The following PPARGC1A variants were observed in gnomAD, a reference collection of about 807,000 sequenced individuals.
PPARGC1A encodes the protein PPARG coactivator 1 alpha, also known as peroxisome proliferator-activated receptor gamma coactivator 1-alpha.
Under a neutral mutation model 88.7 loss-of-function variants are expected in PPARGC1A, and 25 were observed. That is an observed-to-expected ratio of 0.28 (90% CI 0.21 to 0.39). The LOEUF (loss-of-function observed/expected upper bound fraction) is 0.39. Ranked by LOEUF, PPARGC1A falls within the 10% of genes least tolerant of loss-of-function variation. The pLI, the probability that PPARGC1A is intolerant of heterozygous loss-of-function variation, is 1.00. For synonymous variants in PPARGC1A, 363 were observed against 355.6 expected (o/e 1.02, Z -0.24); for missense variants, 880 against 968.7 (o/e 0.91, Z 1.22).
At chr4:23,893,209 A>G (rs1244660078), upstream of PPARGC1A, among the ~76,000 whole-genome samples, 2 of 151,968 alleles carry the variant, frequency 1.3e-5, no homozygotes, top group African/African-American at 4.8e-5. Flanking sequence ...GAATAATTCA[A>G]TTCTCTAACA....
intron 7 of PPARGC1A, among the ~76,000 whole-genome samples, chr4:23,822,115 A>C (rs1320820506): frequency 6.6e-6 from 1 of 152,144 alleles, no homozygotes; most frequent in Non-Finnish European, 1.5e-5. Flanking sequence ...TGAGGTGTAC[A>C]AGAGATCAAG....
chr4:23,904,101 C>T (rs570742057), upstream of PPARGC1A: 10 of 944,418 alleles, frequency 1.1e-5, no homozygotes, highest in East Asian at 2.3e-4. Context: ...ACAAGGGCTT[C>T]GGCAGGCCAC....
At chr4:24,465,840 C>T in the PPARGC1A span, among the ~76,000 whole-genome samples, 2 of 151,996 alleles carry the variant, frequency 1.3e-5, no homozygotes, top group Non-Finnish European at 2.9e-5. Flanking sequence ...ATAACATGGC[C>T]GGGATGAGAA....
the PPARGC1A span, among the ~76,000 whole-genome samples, chr4:24,157,323 G>A: frequency 1.8e-4 from 27 of 152,132 alleles, no homozygotes; most frequent in East Asian, 3.5e-3. Flanking sequence ...TCTCTGAATC[G>A]ATCTGCAAAG....
At chr4:24,387,369 C>T in the PPARGC1A span, among the ~76,000 whole-genome samples, 1 of 152,106 alleles carries the variant, frequency 6.6e-6, no homozygotes, top group African/African-American at 2.4e-5. Context: ...AAAGCAATGG[C>T]AACAAAAGCC....
the PPARGC1A span, among the ~76,000 whole-genome samples, chr4:24,216,196 G>A: frequency 9.7e-5 from 14 of 144,804 alleles, no homozygotes; most frequent in African/African-American, 1.5e-4. Flanking sequence ...CGCCCAGACC[G>A]GAGTGCAATA....
chr4:24,387,833 AG>A, the PPARGC1A span, among the ~76,000 whole-genome samples: 24 of 103,336 alleles, frequency 2.3e-4, no homozygotes, highest in Admixed American at 2.0e-3. Flanking sequence ...AGAGAGAAAG[AG>A]AGAAAGAGAG....
chr4:24,352,534 C>T, the PPARGC1A span, among the ~76,000 whole-genome samples: 5 of 152,220 alleles, frequency 3.3e-5, no homozygotes, highest in Non-Finnish European at 7.3e-5. Flanking sequence ...TGGGGTCCAA[C>T]TGGCCACGGG....
chr4:23,849,916 G>C (rs546003811), intron 2 of PPARGC1A, among the ~76,000 whole-genome samples: 105 of 151,070 alleles, frequency 7.0e-4, no homozygotes, highest in Non-Finnish European at 1.3e-3. Flanking sequence ...CTCGCTGCAC[G>C]GTACAGTCAT....
intron 10 of PPARGC1A, among the ~76,000 whole-genome samples, chr4:23,808,250 CAA>C (rs527466137): frequency 1.2e-4 from 11 of 93,804 alleles, no homozygotes; most frequent in African/African-American, 2.0e-4. Context: ...GACTCCATCT[CAA>C]AAAAAAAAAA....
At chr4:23,903,422 C>A (rs1457826449), upstream of PPARGC1A, among the ~76,000 whole-genome samples, 1 of 152,106 alleles carries the variant, frequency 6.6e-6, no homozygotes, top group Non-Finnish European at 1.5e-5. Context: ...AAATAATGAA[C>A]AACTTCACTA....
At chr4:24,294,031 T>A in the PPARGC1A span, among the ~76,000 whole-genome samples, 1 of 152,170 alleles carries the variant, frequency 6.6e-6, no homozygotes, top group Non-Finnish European at 1.5e-5. Flanking sequence ...GCCCTTATTA[T>A]TTATCTGAGG....
chr4:23,834,145 A>G (rs1417712533), intron 2 of PPARGC1A, among the ~76,000 whole-genome samples: 3 of 152,062 alleles, frequency 2.0e-5, no homozygotes, highest in Non-Finnish European at 2.9e-5. Flanking sequence ...TAAAAATACA[A>G]AAAAATTAGC....
the PPARGC1A span, among the ~76,000 whole-genome samples, chr4:24,277,990 C>T: frequency 6.6e-6 from 1 of 152,000 alleles, no homozygotes; most frequent in Non-Finnish European, 1.5e-5. Flanking sequence ...GCCTGGGCTA[C>T]ACAGCAAGAC....
At chr4:23,951,961 T>C in the PPARGC1A span, among the ~76,000 whole-genome samples, 1 of 152,114 alleles carries the variant, frequency 6.6e-6, no homozygotes, top group Admixed American at 6.6e-5. Context: ...AATGATTCTG[T>C]TTATAACTTG....
At chr4:24,216,526 T>A in the PPARGC1A span, among the ~76,000 whole-genome samples, 2 of 152,184 alleles carry the variant, frequency 1.3e-5, no homozygotes. Flanking sequence ...CAGGAGGAGA[T>A]AATGAGGTTC....
chr4:24,119,815 A>G, the PPARGC1A span, among the ~76,000 whole-genome samples: 1 of 152,118 alleles, frequency 6.6e-6, no homozygotes, highest in Non-Finnish European at 1.5e-5. Context: ...CCCACTCCCT[A>G]TTTGCAGACT....
chr4:23,836,792 AG>A (rs1406416767), intron 2 of PPARGC1A, among the ~76,000 whole-genome samples: 1 of 152,188 alleles, frequency 6.6e-6, no homozygotes, highest in Non-Finnish European at 1.5e-5. Flanking sequence ...AGTTGGCAAA[AG>A]GATCTTCCAA....
At chr4:24,404,583 C>T in the PPARGC1A span, among the ~76,000 whole-genome samples, 1 of 142,922 alleles carries the variant, frequency 7.0e-6, no homozygotes, top group South Asian at 2.5e-4. Flanking sequence ...AAGGTACTAA[C>T]ATCCTTATTC....
Sources: allele counts gnomAD v4.1 joint callset (sites outside exome capture counted in the v4.1 genomes callset), GRCh38; gene constraint gnomAD v4.1.1; transcripts MANE v1.5; gene names NCBI Gene and HGNC (gene_info 2026-07-23, HGNC 2026-07-21).